STRAP: variants seen among roughly 807,000 people sequenced by gnomAD.
The protein encoded by STRAP is serine-threonine kinase receptor-associated protein.
A neutral mutation model predicts 47.0 loss-of-function variants in STRAP; 16 were observed. That is an observed-to-expected ratio of 0.34 (90% confidence interval 0.23 to 0.52). STRAP has a LOEUF of 0.52. Among genes scored for constraint, STRAP ranks in the 20% least tolerant of loss-of-function variants. The probability of loss-of-function intolerance (pLI) is 0.96; values close to 1 mark genes in which losing one functional copy is unlikely to be tolerated. For missense variants in STRAP, 293 were observed against 420.0 expected (o/e 0.70, Z 2.64); for synonymous variants, 130 against 142.7 (o/e 0.91, Z 0.63).
At chr12:15,902,715 A>G (rs1313712957) in intron 9 of STRAP, among the ~76,000 whole-genome samples, 1 of 152,094 alleles carries the variant, frequency 6.6e-6, no homozygotes, top group Non-Finnish European at 1.5e-5. Context: ...GATAAAACAC[A>G]TGAACTCTTT....
chr12:15,882,556 G>C lies in STRAP; in HGVS notation c.-152G>C. On this transcript the variant is annotated 5_prime_UTR_variant, in exon 1 of 10. Transcript: ENST00000419869. ...CCCTCCCTCACCCCTCCCTAACCTC[G>C]GTGCCACCGGATTGCCCTTCTTTTC... The C allele has an allele frequency of 3.8e-6, 2 of 528,894 alleles. No homozygotes were observed. The highest frequency in any genetic ancestry group is 6.8e-6 in the Non-Finnish European group (2 of 294,646). The allele number at this position is 528,894 out of a possible 1,614,324, so 32.8% of individuals were successfully genotyped here.
chr12:15,896,158 C>T lies in STRAP; in HGVS notation c.638+662C>T, dbSNP rs543716113. Reference sequence around the variant, plus strand: ...CTGAGGCAGGAGAATTGCTTAATCCCAGGAGGTGGAGGTTGTTTTGAGCTG... The same window carrying T: ...CTGAGGCAGGAGAATTGCTTAATCCTAGGAGGTGGAGGTTGTTTTGAGCTG... On this transcript the variant is annotated intron_variant, in intron 6 of 9. Coordinates refer to ENST00000419869, the MANE Select transcript of STRAP (RefSeq NM_007178.4). This position sits in a 1 kb window ranked among gnomAD's most constrained non-coding sequence, Gnocchi z 4.1. Among the ~76,000 whole-genome samples, 19 of 152,038 alleles carry T rather than the reference C, an allele frequency of 1.2e-4. No homozygotes were observed. Among genetic ancestry groups the T allele is most frequent in the Admixed American group, 5.9e-4 (9 of 15,278 alleles).
intron 8 of STRAP, 25 bp downstream of exon 8, chr12:15,900,078 A>G: frequency 3.2e-6 from 5 of 1,582,924 alleles, no homozygotes; most frequent in Non-Finnish European, 4.3e-6. Flanking sequence ...TCAGAATAAT[A>G]AAATTTTTAA....
chr12:15,892,837 G>A (rs182095525), intron 4 of STRAP, among the ~76,000 whole-genome samples: 5 of 152,220 alleles, frequency 3.3e-5, no homozygotes, highest in Admixed American at 6.5e-5. Flanking sequence ...CAGGGATTGG[G>A]TCAAAGCAAG....
Position 15,894,069 on chromosome 12 carries a change from T to C in STRAP, c.426T>C (p.His142=), listed in dbSNP as rs2136111110. 6.2e-7 allele frequency: 1 copy of C among 1,613,490 alleles called. No homozygotes were observed. The highest frequency in any genetic ancestry group is 8.5e-7 in the Non-Finnish European group (1 of 1,179,608). The part of the protein sequence containing the change: ...PEAEPKEISG[H]TSGIKKALWC... ...AAGAACCTAAGGAAATTAGTGGTCA[T>C]ACTTCTGGTATAAAAAAAGCTCTGT... The change falls in exon 5 of 10, where the codon CAT becomes CAC. Residue 142 remains histidine, a synonymous_variant. Coordinates refer to ENST00000419869, the MANE Select transcript of STRAP (RefSeq NM_007178.4). The surrounding 1 kb of genome is among the most constrained non-coding windows in gnomAD (Gnocchi z 4.9).
At chr12:15,900,097 AT>A (rs1384518209) in intron 8 of STRAP, 44 bp downstream of exon 8, 2 of 1,529,058 alleles carry the variant, frequency 1.3e-6, no homozygotes, top group Non-Finnish European at 1.8e-6. Context: ...AAAATGCATG[AT>A]TTTATGTCAT....
Position 15,903,060 on chromosome 12 carries a change from C to T in STRAP, c.*82C>T. On this transcript the variant is annotated 3_prime_UTR_variant, in exon 10 of 10. Transcript: ENST00000419869. Reference sequence around the variant, plus strand: ...AGCATCAGCCTTCCAGAGTTACTGTCTGCTTAAGGCAGAAACAGCAGTAAA... The same window carrying T: ...AGCATCAGCCTTCCAGAGTTACTGTTTGCTTAAGGCAGAAACAGCAGTAAA... The T allele has an allele frequency of 7.2e-7, 1 of 1,388,276 alleles. No homozygotes were observed. Among genetic ancestry groups the T allele is most frequent in the South Asian group, 1.5e-5 (1 of 66,034 alleles). The allele number at this position is 1,388,276 out of a possible 1,614,324, so 86.0% of individuals were successfully genotyped here.
chr12:15,882,846 C>T (rs774582692), intron 1 of STRAP, 27 bp downstream of exon 1: 1 of 1,594,562 alleles, frequency 6.3e-7, no homozygotes, highest in South Asian at 1.1e-5. Flanking sequence ...TCCTGGTCCT[C>T]GACGGCTGGG....
intron 2 of STRAP, 139 bp downstream of exon 2, chr12:15,883,815 TTCCATCGTGG>T (rs1253042034): frequency 2.0e-5 from 24 of 1,205,104 alleles, no homozygotes; most frequent in African/African-American, 4.6e-5. Context: ...CCCACCAAAA[TTCCATCGTGG>T]TCCATCGTGG....
At chr12:15,884,582 A>G (rs1947953270) in intron 2 of STRAP, among the ~76,000 whole-genome samples, 1 of 150,844 alleles carries the variant, frequency 6.6e-6, no homozygotes, top group African/African-American at 2.4e-5. Context: ...ATTTTTTAAT[A>G]CTTTTTACTA....
chr12:15,894,776 T>TC lies in STRAP; in HGVS notation c.501-581dup, dbSNP rs1948046643. Reference sequence around the variant, plus strand: ...AGTGTCTAATGCAAATATTCCAAAATCCGAAAAAGTTTGAAATCCAACTTT... The same window carrying TC: ...AGTGTCTAATGCAAATATTCCAAAATCCCGAAAAAGTTTGAAATCCAACTTT... On this transcript the variant is annotated intron_variant, in intron 5 of 9. Transcript: ENST00000419869. The surrounding 1 kb of genome is among the most constrained non-coding windows in gnomAD (Gnocchi z 4.9). Among the ~76,000 whole-genome samples the TC allele has an allele frequency of 6.6e-6, 1 of 152,170 alleles. No homozygotes were observed. The highest frequency in any genetic ancestry group is 2.1e-4 in the South Asian group (1 of 4,832).
In STRAP at chr12:15,903,228, A is replaced by AT; in HGVS notation, c.*251dup. ...GGCCTGTTATCTTTTTAATGAATAT[A>AT]TACAAGCCAACATCCAATTTCTATT... On this transcript the variant is annotated 3_prime_UTR_variant, in exon 10 of 10. Transcript: ENST00000419869. 3.1e-6 allele frequency: 1 copy of AT among 324,038 alleles called. No homozygotes were observed. The highest frequency in any genetic ancestry group is 5.5e-6 in the Non-Finnish European group (1 of 181,180). 20.1% of individuals were successfully genotyped at this position (324,038 alleles called of 1,614,324 possible).
Position 15,903,265 on chromosome 12 carries a change from G to T in STRAP, c.*287G>T. The T allele has an allele frequency of 4.0e-6, 1 of 251,176 alleles. No homozygotes were observed. The highest frequency in any genetic ancestry group is 7.4e-6 in the Non-Finnish European group (1 of 134,360). 15.6% of individuals were successfully genotyped at this position (251,176 alleles called of 1,614,324 possible). A position where few individuals can be genotyped will look rare whatever the true frequency, so the allele number is the denominator to read the frequency against. The stretch of plus-strand genomic sequence containing the variant: ...ATCCAATTTCTATTATTACAATTAG[G>T]GTTCTTGTAGCTGTTTATGTTAATA... On this transcript the variant is annotated 3_prime_UTR_variant, in exon 10 of 10. Coordinates refer to ENST00000419869, the MANE Select transcript of STRAP (RefSeq NM_007178.4).
In STRAP at chr12:15,885,180, G is replaced by GTT. The variant is rs749702060; in HGVS notation, c.248+1528_248+1529dup. 2.8e-3 allele frequency among the ~76,000 whole-genome samples: 283 copies of GTT among 99,386 alleles called. 4 individuals are homozygous for GTT. Among genetic ancestry groups the GTT allele is most frequent in the African/African-American group, 5.9e-3 (137 of 23,332 alleles). 65.2% of individuals were successfully genotyped at this position (99,386 alleles called of 152,430 possible). A position where few individuals can be genotyped will look rare whatever the true frequency, so the allele number is the denominator to read the frequency against. ...TAAGAGGCTAGAGAGTACAAGTGGTGTTTTTTTTTTTTTTTTTTTTTTTTT... is the reference window on the plus strand; with the variant it reads ...TAAGAGGCTAGAGAGTACAAGTGGTGTTTTTTTTTTTTTTTTTTTTTTTTTTT... On this transcript the variant is annotated intron_variant, in intron 2 of 9. Coordinates refer to ENST00000419869, the MANE Select transcript of STRAP (RefSeq NM_007178.4).
chr12:15,886,673 A>G (rs1042538617), intron 2 of STRAP, among the ~76,000 whole-genome samples: 2 of 151,960 alleles, frequency 1.3e-5, no homozygotes, highest in Non-Finnish European at 2.9e-5. Context: ...GTGTGTGTGT[A>G]TTCTCTCCAA....
chr12:15,887,431 T>G lies in STRAP; in HGVS notation c.249-2497T>G, dbSNP rs1947981048. On this transcript the variant is annotated intron_variant, in intron 2 of 9. Transcript: ENST00000419869. The surrounding 1 kb of genome is among the most constrained non-coding windows in gnomAD (Gnocchi z 5.5). Reference sequence around the variant, plus strand: ...GTTAATAGCGCTTTACTGTCTTGATTTGAGCCCTGTGGCCAACTAATATAT... The same window carrying G: ...GTTAATAGCGCTTTACTGTCTTGATGTGAGCCCTGTGGCCAACTAATATAT... Among the ~76,000 whole-genome samples the G allele has an allele frequency of 3.9e-5, 6 of 152,322 alleles. No individual in the cohort carries two copies. The South Asian group carries it at 1.2e-3, about 32-fold the overall frequency.
At position 15,885,189 on chromosome 12, in the gene STRAP, T is replaced by TTTTTTTTG. The variant is rs1555144738; in HGVS notation, c.248+1520_248+1521insGTTTTTTT. 9.4e-5 allele frequency among the ~76,000 whole-genome samples: 14 copies of TTTTTTTTG among 148,432 alleles called. 1 individual carries two copies. Among genetic ancestry groups the TTTTTTTTG allele is most frequent in the African/African-American group, 3.5e-4 (14 of 39,542 alleles). On this transcript the variant is annotated intron_variant, in intron 2 of 9. Coordinates refer to ENST00000419869, the MANE Select transcript of STRAP (RefSeq NM_007178.4). ...AGAGAGTACAAGTGGTGTTTTTTTT[T>TTTTTTTTG]TTTTTTTTTTTTTTTTAAAGACAGA...
In STRAP at chr12:15,894,048, A is replaced by G; in HGVS notation, c.405A>G (p.Glu135=). 1 of 1,608,054 alleles carries G rather than the reference A, an allele frequency of 6.2e-7. No individual in the cohort carries two copies. Reference sequence around the variant, plus strand: ...TACTTTAAATTGTTTTATCTCAAGAACCTAAGGAAATTAGTGGTCATACTT... The same window carrying G: ...TACTTTAAATTGTTTTATCTCAAGAGCCTAAGGAAATTAGTGGTCATACTT... ...RIYDLNKPEA[E]PKEISGHTSG... is the part of the protein sequence containing the mutation. Residue 135 remains glutamate (E), a splice_region_variant and synonymous_variant, in exon 5 of 10, where the codon GAA becomes GAG. Transcript: ENST00000419869. The surrounding 1 kb of genome is among the most constrained non-coding windows in gnomAD (Gnocchi z 4.9).
intron 6 of STRAP, among the ~76,000 whole-genome samples, chr12:15,897,299 C>A (rs1948066953): frequency 6.6e-6 from 1 of 152,104 alleles, no homozygotes; most frequent in South Asian, 2.1e-4. Flanking sequence ...TCAGATGAAG[C>A]TGTTATTATG....
Sources: allele counts gnomAD v4.1 joint callset (sites outside exome capture counted in the v4.1 genomes callset), GRCh38; gene constraint gnomAD v4.1.1; non-coding constraint Gnocchi (gnomAD v3.1); transcripts MANE v1.5; gene names NCBI Gene and HGNC (gene_info 2026-07-23, HGNC 2026-07-21).